Variants in SPATA4 observed in about 807,000 individuals in gnomAD.
SPATA4 encodes the protein spermatogenesis associated 4, also known as spermatogenesis-associated protein 4.
Under a neutral mutation model 31.8 loss-of-function variants are expected in SPATA4, and 35 were observed. The ratio of observed to expected loss-of-function variants is 1.10; its 90% CI spans 0.84 to 1.46. The LOEUF (loss-of-function observed/expected upper bound fraction) is 1.46. Among genes scored for constraint, SPATA4 ranks in the 40% most tolerant of loss-of-function variants. SPATA4 has a pLI of 0.00. For synonymous variants in SPATA4, 126 were observed against 132.4 expected (o/e 0.95, Z 0.33); for missense variants, 394 against 363.1 (o/e 1.09, Z -0.69).
At chr4:176,186,993 A>G (rs1752454253) in intron 5 of SPATA4, among the ~76,000 whole-genome samples, 1 of 152,224 alleles carries the variant, frequency 6.6e-6, no homozygotes, top group Non-Finnish European at 1.5e-5. Flanking sequence ...TACATATTTT[A>G]GGCTTTGTGG....
At chr4:176,186,602 A>G (rs2126921205) in intron 5 of SPATA4, among the ~76,000 whole-genome samples, 1 of 152,338 alleles carries the variant, frequency 6.6e-6, no homozygotes, top group Middle Eastern at 3.4e-3. Flanking sequence ...TATGTTTACT[A>G]TGCCTCAGGT....
At chr4:176,187,860 T>C (rs1159585455) in intron 5 of SPATA4, among the ~76,000 whole-genome samples, 5 of 152,208 alleles carry the variant, frequency 3.3e-5, no homozygotes, top group Non-Finnish European at 1.5e-5. Flanking sequence ...GAGCCTGACG[T>C]GTTTCCAACT....
chr4:176,195,302 G>C (rs775961237), intron 1 of SPATA4, 43 bp downstream of exon 1: 8 of 1,600,860 alleles, frequency 5.0e-6, no homozygotes, highest in Non-Finnish European at 6.8e-6. Flanking sequence ...GAAAGCAGGC[G>C]GGGCGCCCAC....
At chr4:176,188,077 CA>C (rs199755794) in intron 5 of SPATA4, 41 bp downstream of exon 5, 643 of 1,390,942 alleles carry the variant, frequency 4.6e-4, no homozygotes, top group Middle Eastern at 9.0e-4. Flanking sequence ...GAAAGTCAAG[CA>C]AAAAAAAATC....
chr4:176,193,207 AAAGAT>A (rs1752560681), intron 2 of SPATA4, 131 bp from the exon 3 acceptor site: 1 of 769,616 alleles, frequency 1.3e-6, no homozygotes, highest in Non-Finnish European at 2.1e-6. Context: ...TTAGTTATTA[AAAGAT>A]AATATTCAGC....
At chr4:176,193,745 G>T in intron 1 of SPATA4, 163 bp from the exon 2 acceptor site, 1 of 621,336 alleles carries the variant, frequency 1.6e-6, no homozygotes, top group Non-Finnish European at 2.5e-6. Flanking sequence ...ATTTTGCTAA[G>T]ATTATCTACG....
At chr4:176,188,043 C>T in intron 5 of SPATA4, 76 bp downstream of exon 5, 1 of 1,041,644 alleles carries the variant, frequency 9.6e-7, no homozygotes, top group Non-Finnish European at 1.5e-6. Flanking sequence ...AACTATTTAA[C>T]CGTTTTTTAA....
At chr4:176,193,419 T>G (rs1472698755) in intron 2 of SPATA4, 34 bp downstream of exon 2, 1 of 1,604,046 alleles carries the variant, frequency 6.2e-7, no homozygotes, top group East Asian at 2.2e-5. Context: ...ACAAACATCT[T>G]AACAGTTAAA....
chr4:176,192,603 C>T (rs1752547902), intron 4 of SPATA4, 24 bp downstream of exon 4: 1 of 1,587,628 alleles, frequency 6.3e-7, no homozygotes, highest in African/African-American at 1.3e-5. Flanking sequence ...TGGAAGAACT[C>T]AGCTGTTTCA....
chr4:176,192,126 GT>G (rs1034398508), intron 4 of SPATA4, among the ~76,000 whole-genome samples: 83 of 152,294 alleles, frequency 5.4e-4, no homozygotes, highest in African/African-American at 1.9e-3. Flanking sequence ...CAAATGCTTT[GT>G]TTGGGTACTT....
chr4:176,193,378 G>A (rs781382249), intron 2 of SPATA4, 75 bp downstream of exon 2: 29 of 1,542,184 alleles, frequency 1.9e-5, no homozygotes, highest in Non-Finnish European at 2.5e-5. Flanking sequence ...TACACGTAGA[G>A]ATCCAGGAAA....
intron 5 of SPATA4, among the ~76,000 whole-genome samples, chr4:176,187,604 CAAAAAAGA>C (rs1434008028): frequency 6.6e-6 from 1 of 151,652 alleles, no homozygotes; most frequent in Non-Finnish European, 1.5e-5. Flanking sequence ...ACTCCGTCTC[CAAAAAAGA>C]AAAAAAGTAA....
Position 176,186,084 on chromosome 4 carries a change from G to T in SPATA4, c.806-1192C>A, listed in dbSNP as rs948941195. 2.0e-5 allele frequency among the ~76,000 whole-genome samples: 3 copies of T among 152,152 alleles called. No homozygotes were observed. In the East Asian group the frequency reaches 5.8e-4, roughly 29 times the overall value. On this transcript the variant is annotated intron_variant, in intron 5 of 5. Coordinates refer to ENST00000280191, the MANE Select transcript of SPATA4 (RefSeq NM_144644.4). ...TGATCTGAAGTAATGATAGCATGTA[G>T]TTTTTCTAAAAACTCATATGTGAAC...
At chr4:176,191,152 G>A (rs1752521208) in intron 4 of SPATA4, among the ~76,000 whole-genome samples, 1 of 147,602 alleles carries the variant, frequency 6.8e-6, no homozygotes, top group Non-Finnish European at 1.5e-5. Flanking sequence ...CTGGAGTGCA[G>A]TGGCACAATC....
intron 5 of SPATA4, among the ~76,000 whole-genome samples, chr4:176,186,905 C>T (rs995999741): frequency 1.8e-4 from 27 of 152,038 alleles, no homozygotes; most frequent in African/African-American, 4.8e-4. Flanking sequence ...CTTTTATCCC[C>T]GGCGAAATCC....
intron 1 of SPATA4, chr4:176,194,459 A>G (rs1752582505): frequency 6.6e-6 from 1 of 152,188 alleles, no homozygotes; most frequent in South Asian, 2.1e-4. Flanking sequence ...ATGTGTTCTG[A>G]CAGAGGGTTC....
intron 5 of SPATA4, among the ~76,000 whole-genome samples, chr4:176,187,105 G>A (rs1466573345): frequency 6.6e-6 from 1 of 152,030 alleles, no homozygotes; most frequent in African/African-American, 2.4e-5. Flanking sequence ...GTCCTCAGAG[G>A]TATTTGTTGC....
intron 4 of SPATA4, among the ~76,000 whole-genome samples, chr4:176,191,096 AT>A (rs70962456): frequency 0.89 from 108,999 of 123,124 alleles, 48,117 homozygotes; most frequent in East Asian, 0.96. Context: ...GTATGTATAG[AT>A]TTTTTTTTTT....
At chr4:176,195,312 C>G (rs994252) in intron 1 of SPATA4, 33 bp downstream of exon 1, 893,920 of 1,605,952 alleles carry the variant, frequency 0.56, 251,893 homozygotes, top group East Asian at 0.81. Flanking sequence ...GGGGCGCCCA[C>G]CGGGGGGGCC....
Sources: allele counts gnomAD v4.1 joint callset (sites outside exome capture counted in the v4.1 genomes callset), GRCh38; gene constraint gnomAD v4.1.1; transcripts MANE v1.5; gene names NCBI Gene and HGNC (gene_info 2026-07-23, HGNC 2026-07-21).